Variants in HLCS observed in about 807,000 individuals in gnomAD.
HLCS encodes holocarboxylase synthetase.
A neutral mutation model predicts 75.0 loss-of-function variants in HLCS; 53 were observed. That is an observed-to-expected ratio of 0.71 (90% confidence interval 0.57 to 0.89). The LOEUF (loss-of-function observed/expected upper bound fraction) is 0.89, where lower values mean the gene tolerates loss of function less well. Among genes scored for constraint, HLCS ranks in the 40% least tolerant of loss-of-function variants. HLCS has a pLI of 0.00. For missense variants in HLCS, 966 were observed against 1,074.0 expected (o/e 0.90, Z 1.41); for synonymous variants, 431 against 428.6 (o/e 1.01, Z -0.07).
chr21:36,936,797 C>T lies in HLCS; in HGVS notation c.1089G>A (p.Leu363=). Residue 363 remains leucine (L), a synonymous_variant, in exon 4 of 11, where the codon CTG becomes CTA. Transcript: ENST00000674895. ...LRDPWTDNCL[L]LVIATRESIP... Reference sequence around the variant, plus strand: ...TGGACTCCCTGGTAGCAATGACCAACAGCAGACAGTTGTCCGTCCACGGGT... The same window carrying T: ...TGGACTCCCTGGTAGCAATGACCAATAGCAGACAGTTGTCCGTCCACGGGT... 3 of 1,614,210 alleles carry T rather than the reference C, an allele frequency of 1.9e-6. No homozygotes were observed. The South Asian group carries it at 3.3e-5, about 18-fold the overall frequency.
chr21:36,972,306 G>T (rs1350811181), intron 1 of HLCS: 1 of 152,066 alleles, frequency 6.6e-6, no homozygotes, highest in African/African-American at 2.4e-5. Flanking sequence ...TCCTTCTTTT[G>T]AATTTAATTT....
intron 6 of HLCS, among the ~76,000 whole-genome samples, chr21:36,808,439 C>T (rs1364994575): frequency 6.6e-6 from 1 of 152,110 alleles, no homozygotes; most frequent in African/African-American, 2.4e-5. Flanking sequence ...ATTGGCTTAA[C>T]ACATATTTAT....
chr21:36,929,341 G>A (rs893819614), intron 5 of HLCS, among the ~76,000 whole-genome samples: 1 of 152,226 alleles, frequency 6.6e-6, no homozygotes, highest in Admixed American at 6.5e-5. Flanking sequence ...CGACAGAGAA[G>A]GTCTAGGGGA....
At chr21:36,783,804 CACACACACACATGCACAT>C (rs902844891) in intron 6 of HLCS, among the ~76,000 whole-genome samples, 1 of 100,072 alleles carries the variant, frequency 1.0e-5, no homozygotes, top group African/African-American at 4.3e-5. Flanking sequence ...TGTGCACATG[CACACACACACATGCACAT>C]ACACACACAC....
In HLCS at chr21:36,785,723, G is replaced by T. The variant is rs2060666914; in HGVS notation, c.1893-18438C>A. On this transcript the variant is annotated intron_variant, in intron 6 of 10. Transcript: ENST00000674895. ...CTCCAGGATGATGCTAAGTATTATAGAAGTGGAGGCAGTGGGTGTATCCTG... is the reference window on the plus strand; with the variant it reads ...CTCCAGGATGATGCTAAGTATTATATAAGTGGAGGCAGTGGGTGTATCCTG... Among the ~76,000 whole-genome samples, 3 of 152,160 alleles carry T rather than the reference G, an allele frequency of 2.0e-5. No individual in the cohort carries two copies. The South Asian group carries it at 6.2e-4, about 32-fold the overall frequency.
At chr21:36,803,450 G>A (rs1412804755) in intron 6 of HLCS, among the ~76,000 whole-genome samples, 4 of 152,166 alleles carry the variant, frequency 2.6e-5, no homozygotes, top group South Asian at 4.1e-4. Flanking sequence ...AGAAACGCTC[G>A]CACAGGGCGA....
At chr21:36,836,775 A>C (rs2062427497) in intron 6 of HLCS, among the ~76,000 whole-genome samples, 1 of 152,072 alleles carries the variant, frequency 6.6e-6, no homozygotes, top group African/African-American at 2.4e-5. Context: ...GCTCACCATC[A>C]CTGCTCATCA....
At chr21:36,886,428 A>T (rs1299667592) in intron 6 of HLCS, among the ~76,000 whole-genome samples, 2 of 94,784 alleles carry the variant, frequency 2.1e-5, no homozygotes, top group African/African-American at 7.7e-5. Flanking sequence ...GCGAGACTCC[A>T]TCTCAAAAAA....
intron 1 of HLCS, among the ~76,000 whole-genome samples, chr21:36,964,422 A>ACATCACAGCTTAAG (rs1376144724): frequency 6.6e-6 from 1 of 152,208 alleles, no homozygotes; most frequent in Non-Finnish European, 1.5e-5. Flanking sequence ...CACAGCTTAA[A>ACATCACAGCTTAAG]CCCAACAACT....
chr21:36,867,883 A>C (rs1333814656), intron 6 of HLCS, among the ~76,000 whole-genome samples: 1 of 152,228 alleles, frequency 6.6e-6, no homozygotes, highest in African/African-American at 2.4e-5. Flanking sequence ...CTGTAATCCC[A>C]ATACTTTTGG....
chr21:36,835,105 G>C (rs547209152), intron 6 of HLCS, among the ~76,000 whole-genome samples: 3 of 152,294 alleles, frequency 2.0e-5, no homozygotes, highest in African/African-American at 7.2e-5. Context: ...ACAGGCTGGG[G>C]GAAGAGCCAT....
intron 6 of HLCS, among the ~76,000 whole-genome samples, chr21:36,811,059 T>C (rs2061495524): frequency 6.7e-6 from 1 of 149,586 alleles, no homozygotes; most frequent in Non-Finnish European, 1.5e-5. Flanking sequence ...TAAAACTGAA[T>C]GTATTTGTCA....
At chr21:36,817,015 G>A (rs939250130) in intron 6 of HLCS, among the ~76,000 whole-genome samples, 2 of 152,166 alleles carry the variant, frequency 1.3e-5, no homozygotes, top group South Asian at 4.1e-4. Context: ...CCTCTGCCAC[G>A]CCAAGCAACC....
At chr21:36,774,687 C>A (rs1425325644) in intron 6 of HLCS, among the ~76,000 whole-genome samples, 1 of 152,170 alleles carries the variant, frequency 6.6e-6, no homozygotes, top group Non-Finnish European at 1.5e-5. Context: ...TCACTTCTAC[C>A]TACACACACT....
chr21:36,750,220 C>CA lies in HLCS; in HGVS notation c.*4025dup, dbSNP rs745939865. Reference sequence around the variant, plus strand: ...TTTTAATACATATGCCTCTCTTTTACAAAAAAGAAAAAAAAATCATCGTAG... The same window carrying CA: ...TTTTAATACATATGCCTCTCTTTTACAAAAAAAGAAAAAAAAATCATCGTAG... On this transcript the variant is annotated 3_prime_UTR_variant, in exon 11 of 11. Transcript: ENST00000674895. Among the ~76,000 whole-genome samples the CA allele has an allele frequency of 6.6e-6, 1 of 151,288 alleles. No homozygotes were observed. The highest frequency in any genetic ancestry group is 1.9e-4 in the East Asian group (1 of 5,168).
intron 6 of HLCS, among the ~76,000 whole-genome samples, chr21:36,819,705 G>C (rs535920018): frequency 1.1e-3 from 168 of 152,196 alleles, no homozygotes; most frequent in Admixed American, 1.8e-3. Context: ...CAGAGAGGGC[G>C]AGTCAGGTGT....
chr21:36,843,215 G>A (rs955865834), intron 6 of HLCS, among the ~76,000 whole-genome samples: 3 of 152,244 alleles, frequency 2.0e-5, no homozygotes, highest in African/African-American at 7.2e-5. Context: ...AATGTAGGAG[G>A]ATAGCTTGAG....
chr21:36,862,365 G>A (rs761196232), intron 6 of HLCS, among the ~76,000 whole-genome samples: 1 of 152,210 alleles, frequency 6.6e-6, no homozygotes, highest in African/African-American at 2.4e-5. Context: ...GCAAGGCGCT[G>A]CCTGTTTTCC....
At chr21:36,953,566 A>G (rs940691959) in intron 2 of HLCS, among the ~76,000 whole-genome samples, 2 of 152,198 alleles carry the variant, frequency 1.3e-5, no homozygotes, top group African/African-American at 2.4e-5. Context: ...CCTGTATCCT[A>G]CATAATATAG....
Sources: gnomAD v4.1 joint callset for allele counts (sites outside exome capture counted in the v4.1 genomes callset) on GRCh38, gnomAD v4.1.1 for gene constraint, MANE v1.5 for transcripts, NCBI Gene and HGNC (gene_info 2026-07-23, HGNC 2026-07-21) for gene names.